The following FABP7 variants were observed in gnomAD, a reference collection of about 807,000 sequenced individuals.
FABP7 encodes the protein fatty acid binding protein 7.
FABP7 carries 13 observed loss-of-function variants against 14.2 expected under a neutral mutation model. The observed-to-expected ratio is 0.91, with a 90% CI of 0.59 to 1.45. The LOEUF (loss-of-function observed/expected upper bound fraction) is 1.45, where lower values mean the gene tolerates loss of function less well. FABP7 is among the 40% of genes most tolerant of loss of function. FABP7 has a pLI of 0.00. For missense variants in FABP7, 149 were observed against 157.6 expected, an observed-to-expected ratio of 0.95 and a Z score of 0.29; for synonymous variants, 49 against 51.4, an observed-to-expected ratio of 0.95 and a Z score of 0.20.
the FABP7 span, among the ~76,000 whole-genome samples, chr6:122,755,927 T>C: frequency 6.6e-6 from 1 of 152,142 alleles, no homozygotes; most frequent in African/African-American, 2.4e-5. Context: ...GAGGATGCTG[T>C]AAAGAGTCAC....
rs1327199039 is a variant in FABP7 at position 122,783,834 on chromosome 6, C to T, written c.*67C>T. On this transcript the variant is annotated 3_prime_UTR_variant, in exon 4 of 4. Transcript: ENST00000368444. ...CTGTTTCCTCAAGTCTCAGTGCTAT[C>T]CTATTACAACATGGCTGATCATTAA... is the stretch of plus-strand genomic sequence containing the variant. 5 of 1,231,726 alleles carry T rather than the reference C, an allele frequency of 4.1e-6. No homozygotes were observed. The African/African-American group carries it at 7.6e-5, about 19-fold the overall frequency. 76.3% of individuals were successfully genotyped at this position (1,231,726 alleles called of 1,614,324 possible). A position where few individuals can be genotyped will look rare whatever the true frequency, so the allele number is the denominator to read the frequency against.
At chr6:122,764,538 T>TA in the FABP7 span, among the ~76,000 whole-genome samples, 1 of 151,532 alleles carries the variant, frequency 6.6e-6, no homozygotes, top group Non-Finnish European at 1.5e-5. Flanking sequence ...AAAGTATAAT[T>TA]AAAAAAAAGA....
At chr6:122,780,268 T>C in intron 1 of FABP7, 23 bp from the exon 2 acceptor site, 1 of 1,613,704 alleles carries the variant, frequency 6.2e-7, no homozygotes, top group East Asian at 2.2e-5. Context: ...CTGCAGACTG[T>C]ACTGTTCCCT....
chr6:122,755,653 T>C, the FABP7 span, among the ~76,000 whole-genome samples: 1 of 151,834 alleles, frequency 6.6e-6, no homozygotes, highest in Non-Finnish European at 1.5e-5. Flanking sequence ...GATATGGAGT[T>C]TCACCGTGTT....
the FABP7 span, among the ~76,000 whole-genome samples, chr6:122,772,768 T>C: frequency 6.6e-6 from 1 of 152,110 alleles, no homozygotes. Flanking sequence ...ATATCACCAA[T>C]AGACAGATAA....
the FABP7 span, among the ~76,000 whole-genome samples, chr6:122,756,896 C>A: frequency 6.6e-6 from 1 of 152,186 alleles, no homozygotes; most frequent in Non-Finnish European, 1.5e-5. Flanking sequence ...ATTTCACTGG[C>A]CTCTCTTTCT....
rs1780855500 is a variant in FABP7 at position 122,783,848 on chromosome 6, G to A, written c.*81G>A. On this transcript the variant is annotated 3_prime_UTR_variant, in exon 4 of 4. Transcript: ENST00000368444. ...CTCAGTGCTATCCTATTACAACATG[G>A]CTGATCATTAATTAGAAGGTTATCC... 1 of 1,119,454 alleles carries A rather than the reference G, an allele frequency of 8.9e-7. No homozygotes were observed. The allele number at this position is 1,119,454 out of a possible 1,614,324, so 69.3% of individuals were successfully genotyped here.
upstream of FABP7, among the ~76,000 whole-genome samples, chr6:122,774,789 TAGA>T (rs1267560233): frequency 1.3e-5 from 2 of 148,606 alleles, no homozygotes; most frequent in East Asian, 3.9e-4. Context: ...AAAAAAAGGT[TAGA>T]ATTGATAAAT....
the FABP7 span, among the ~76,000 whole-genome samples, chr6:122,759,727 C>T: frequency 6.6e-6 from 1 of 152,178 alleles, no homozygotes; most frequent in African/African-American, 2.4e-5. Flanking sequence ...GGCAGTCTGG[C>T]CAAGCATACA....
At chr6:122,759,491 A>G in the FABP7 span, among the ~76,000 whole-genome samples, 1 of 152,196 alleles carries the variant, frequency 6.6e-6, no homozygotes, top group Non-Finnish European at 1.5e-5. Context: ...TCCAATCTTA[A>G]TCAGGCTTAA....
Position 122,780,289 on chromosome 6 carries a change from A to T in FABP7, c.74-2A>T. On this transcript the variant is annotated splice_acceptor_variant, in intron 1 of 3. Transcript: ENST00000368444. LOFTEE classifies it high-confidence loss of function. ...ACTGTACTGTTCCCTTTGCTATTTT[A>T]GGCGTGGGCTTTGCCACTAGGCAGG... 1 of 1,613,960 alleles carries T rather than the reference A, an allele frequency of 6.2e-7. No individual in the cohort carries two copies. The highest frequency in any genetic ancestry group is 8.5e-7 in the Non-Finnish European group (1 of 1,179,966).
chr6:122,765,656 C>T, the FABP7 span, among the ~76,000 whole-genome samples: 1 of 151,776 alleles, frequency 6.6e-6, no homozygotes, highest in Non-Finnish European at 1.5e-5. Context: ...GATCTGATTC[C>T]TTCTATTTAA....
At chr6:122,757,328 C>T in the FABP7 span, among the ~76,000 whole-genome samples, 2 of 152,034 alleles carry the variant, frequency 1.3e-5, no homozygotes, top group Non-Finnish European at 2.9e-5. Context: ...CTTGACACCT[C>T]ACTTTTTATA....
At chr6:122,767,531 A>T in the FABP7 span, among the ~76,000 whole-genome samples, 3 of 152,108 alleles carry the variant, frequency 2.0e-5, no homozygotes, top group Non-Finnish European at 4.4e-5. Context: ...TATTATCTAC[A>T]TATTCAAAAG....
chr6:122,781,167 A>G lies in FABP7; in HGVS notation c.321A>G (p.Arg107=). The change falls in exon 3 of 4, where the codon AGA becomes AGG. Residue 107 remains arginine, a synonymous_variant. Coordinates refer to ENST00000368444, the MANE Select transcript of FABP7 (RefSeq NM_001446.5). ...ATGGCAAAGAAACAAATTTTGTAAG[A>G]GAAATTAAGGATGGCAAAATGGTTA... ...KWDGKETNFV[R]EIKDGKMVMT... is the part of the protein sequence containing the mutation. 1.2e-6 allele frequency: 2 copies of G among 1,614,060 alleles called. No homozygotes were observed. The highest frequency in any genetic ancestry group is 1.7e-6 in the Non-Finnish European group (2 of 1,179,974).
At chr6:122,781,422 A>G in intron 3 of FABP7, 1 of 1,411,850 alleles carries the variant, frequency 7.1e-7, no homozygotes, top group Middle Eastern at 2.6e-4. Flanking sequence ...AAAGAGAAAA[A>G]TTCATGTGTA....
chr6:122,780,218 A>G, intron 1 of FABP7, 73 bp from the exon 2 acceptor site: 1 of 1,492,128 alleles, frequency 6.7e-7, no homozygotes, highest in Non-Finnish European at 9.3e-7. Flanking sequence ...TTCCAGAATC[A>G]GAAAGCAGAT....
chr6:122,770,492 T>A, the FABP7 span, among the ~76,000 whole-genome samples: 2 of 152,140 alleles, frequency 1.3e-5, no homozygotes, highest in Admixed American at 1.3e-4. Flanking sequence ...ACTTAGTACT[T>A]AGCACTGAAG....
chr6:122,753,300 C>G, the FABP7 span, among the ~76,000 whole-genome samples: 1 of 152,164 alleles, frequency 6.6e-6, no homozygotes, highest in Non-Finnish European at 1.5e-5. Flanking sequence ...AAGTGTTCTC[C>G]ACTGATTTAG....
Sources: gnomAD v4.1 joint callset for allele counts (sites outside exome capture counted in the v4.1 genomes callset) on GRCh38, gnomAD v4.1.1 for gene constraint, MANE v1.5 for transcripts, NCBI Gene and HGNC (gene_info 2026-07-23, HGNC 2026-07-21) for gene names.